The following TSPAN7 variants were observed in gnomAD, a reference collection of about 807,000 sequenced individuals.
The protein encoded by TSPAN7 is tetraspanin 7, also known as tetraspanin-7.
TSPAN7 carries 1 observed loss-of-function variant against 17.6 expected under a neutral mutation model. That is an observed-to-expected ratio of 0.06 (90% CI 0.02 to 0.27). TSPAN7 has a LOEUF of 0.27. Ranked by LOEUF, TSPAN7 falls within the 10% of genes least tolerant of loss-of-function variation. The probability of loss-of-function intolerance (pLI) is 1.00; values close to 1 mark genes in which losing one functional copy is unlikely to be tolerated. For synonymous variants in TSPAN7, 78 were observed against 79.0 expected (o/e 0.99, Z 0.07); for missense variants, 112 against 201.7 (o/e 0.56, Z 2.69).
intron 2 of TSPAN7, among the ~76,000 whole-genome samples, chrX:38,666,794 G>T (rs1261024070): frequency 9.1e-6 from 1 of 110,143 alleles, no homozygotes. Context: ...TAGAGACGGG[G>T]TTTCACCATG....
intron 1 of TSPAN7, among the ~76,000 whole-genome samples, chrX:38,654,057 T>G (rs1265532937): frequency 1.8e-5 from 2 of 111,672 alleles, no homozygotes; most frequent in Admixed American, 1.9e-4. Context: ...ATGGAAGAGT[T>G]AGGAGTAAAG....
At chrX:38,672,535 C>T (rs905833934) in intron 3 of TSPAN7, among the ~76,000 whole-genome samples, 1 of 110,825 alleles carries the variant, frequency 9.0e-6, no homozygotes, top group Non-Finnish European at 1.9e-5. Context: ...ATTAGAACCC[C>T]ATTCATAGTC....
chrX:38,643,006 A>C (rs2069622171), intron 1 of TSPAN7, among the ~76,000 whole-genome samples: 1 of 111,067 alleles, frequency 9.0e-6, no homozygotes, highest in Non-Finnish European at 1.9e-5. Flanking sequence ...GCTGGGGAAG[A>C]ATGGGATGGA....
intron 1 of TSPAN7, among the ~76,000 whole-genome samples, chrX:38,659,823 C>CTTTTTT (rs748922281): frequency 3.1e-3 from 188 of 61,493 alleles, no homozygotes; most frequent in Non-Finnish European, 3.9e-3. Context: ...TTTTCTTTTT[C>CTTTTTT]TTTTTTTTTT....
chrX:38,660,419 C>T (rs1270458498), intron 1 of TSPAN7, among the ~76,000 whole-genome samples: 1 of 112,012 alleles, frequency 8.9e-6, no homozygotes, highest in Non-Finnish European at 1.9e-5. Context: ...AAAGACTTCT[C>T]CTCCTCTTTG....
At chrX:38,566,133 C>T (rs2069142394) in intron 1 of TSPAN7, among the ~76,000 whole-genome samples, 1 of 112,234 alleles carries the variant, frequency 8.9e-6, no homozygotes, top group South Asian at 3.7e-4. Context: ...GCATGCGCAA[C>T]ACAATCACGT....
intron 5 of TSPAN7, among the ~76,000 whole-genome samples, chrX:38,676,155 T>C (rs1394783288): frequency 9.0e-6 from 1 of 110,927 alleles, no homozygotes; most frequent in African/African-American, 3.3e-5. Flanking sequence ...AGACAGCGAG[T>C]GTTGGCTTTC....
At chrX:38,633,968 G>A in intron 1 of TSPAN7, among the ~76,000 whole-genome samples, 1 of 111,819 alleles carries the variant, frequency 8.9e-6, no homozygotes, top group Non-Finnish European at 1.9e-5. Context: ...TTATACATGA[G>A]ATGATTGCTA....
At chrX:38,614,445 T>G (rs1197562153) in intron 1 of TSPAN7, among the ~76,000 whole-genome samples, 1 of 112,614 alleles carries the variant, frequency 8.9e-6, no homozygotes, top group Non-Finnish European at 1.9e-5. Context: ...GTCCAAGATT[T>G]GTGTTTTGAA....
intron 1 of TSPAN7, among the ~76,000 whole-genome samples, chrX:38,648,172 G>A (rs762655435): frequency 1.9e-3 from 213 of 111,960 alleles, no homozygotes; most frequent in African/African-American, 6.6e-3. Context: ...TTTATAAACT[G>A]TAAAGCAGCT....
At chrX:38,680,228 A>T (rs936957244) in intron 5 of TSPAN7, among the ~76,000 whole-genome samples, 1 of 111,556 alleles carries the variant, frequency 9.0e-6, no homozygotes, top group Non-Finnish European at 1.9e-5. Flanking sequence ...TTAATAGAAG[A>T]CACAGCATTG....
chrX:38,565,332 T>G (rs1401132341), intron 1 of TSPAN7, among the ~76,000 whole-genome samples: 1 of 111,855 alleles, frequency 8.9e-6, no homozygotes, highest in African/African-American at 3.3e-5. Flanking sequence ...TGGATTCAAG[T>G]GATTCTCCTG....
chrX:38,678,173 G>A (rs542619083), intron 5 of TSPAN7, among the ~76,000 whole-genome samples: 2 of 112,339 alleles, frequency 1.8e-5, no homozygotes, highest in South Asian at 7.5e-4. Flanking sequence ...TGAAATGTCT[G>A]CACGTTCAGT....
chrX:38,669,505 C>A (rs1436169730), intron 2 of TSPAN7, among the ~76,000 whole-genome samples: 1 of 111,769 alleles, frequency 8.9e-6, no homozygotes, highest in Admixed American at 9.5e-5. Context: ...AAAGCTCTAA[C>A]CCCTACTGAC....
At chrX:38,592,245 T>C (rs762000285) in intron 1 of TSPAN7, among the ~76,000 whole-genome samples, 1 of 111,371 alleles carries the variant, frequency 9.0e-6, no homozygotes, top group East Asian at 2.8e-4. Flanking sequence ...CCAAACCATA[T>C]CTCTTCCCAC....
intron 1 of TSPAN7, among the ~76,000 whole-genome samples, chrX:38,565,340 C>T (rs776528999): frequency 8.9e-6 from 1 of 111,962 alleles, no homozygotes; most frequent in East Asian, 2.8e-4. Context: ...AGTGATTCTC[C>T]TGCCTCAGCC....
chrX:38,590,835 T>A lies in TSPAN7; in HGVS notation c.81+29208T>A, dbSNP rs1429271784. Among the ~76,000 whole-genome samples, 3 of 112,063 alleles carry A rather than the reference T, an allele frequency of 2.7e-5. No individual in the cohort carries two copies. The East Asian group carries it at 8.4e-4, about 31-fold the overall frequency. ...TATTGGCATAACATTTTTAATAATA[T>A]TCTTTGATTATGCTTACAGTATCTG... On this transcript the variant is annotated intron_variant, in intron 1 of 7. Transcript: ENST00000378482.
chrX:38,644,749 G>T (rs2069635174), intron 1 of TSPAN7, among the ~76,000 whole-genome samples: 1 of 112,345 alleles, frequency 8.9e-6, no homozygotes, highest in Non-Finnish European at 1.9e-5. Flanking sequence ...TATTGATGAA[G>T]ATAGTAGCTA....
intron 1 of TSPAN7, among the ~76,000 whole-genome samples, chrX:38,661,002 C>CATA (rs769865974): frequency 1.8e-5 from 2 of 111,951 alleles, no homozygotes; most frequent in African/African-American, 6.5e-5. Flanking sequence ...GCAGTTTCAT[C>CATA]ATAAGGTCTG....
Sources: allele counts gnomAD v4.1 joint callset (sites outside exome capture counted in the v4.1 genomes callset), GRCh38; gene constraint gnomAD v4.1.1; transcripts MANE v1.5; gene names NCBI Gene and HGNC (gene_info 2026-07-23, HGNC 2026-07-21).